Variants in PLEKHB2 observed in about 807,000 individuals in gnomAD.
The protein encoded by PLEKHB2 is pleckstrin homology domain-containing family B member 2.
Under a neutral mutation model 36.5 loss-of-function variants are expected in PLEKHB2, and 31 were observed. The observed-to-expected ratio is 0.85, with a 90% CI of 0.64 to 1.15. The LOEUF (loss-of-function observed/expected upper bound fraction) is 1.15, where lower values mean the gene tolerates loss of function less well. Ranked by LOEUF, PLEKHB2 falls within the 50% of genes most tolerant of loss-of-function variation. The probability of loss-of-function intolerance (pLI) is 0.00; values close to 1 mark genes in which losing one functional copy is unlikely to be tolerated. For synonymous variants in PLEKHB2, 119 were observed against 112.0 expected, an observed-to-expected ratio of 1.06 and a Z score of -0.39; for missense variants, 262 against 295.3, an observed-to-expected ratio of 0.89 and a Z score of 0.83.
At chr2:131,123,515 T>G (rs1221330813) in intron 2 of PLEKHB2, among the ~76,000 whole-genome samples, 1 of 152,206 alleles carries the variant, frequency 6.6e-6, no homozygotes, top group Non-Finnish European at 1.5e-5. Flanking sequence ...TTTCTGTGGC[T>G]CTATTTAGTA....
chr2:131,123,644 C>T (rs1172423859), intron 2 of PLEKHB2, among the ~76,000 whole-genome samples: 1 of 152,046 alleles, frequency 6.6e-6, no homozygotes, highest in East Asian at 1.9e-4. Flanking sequence ...CCTGCTTCAG[C>T]CTCCTGAGTA....
chr2:131,147,093 T>C lies in PLEKHB2; in HGVS notation c.*320T>C, dbSNP rs1249792174. On this transcript the variant is annotated 3_prime_UTR_variant, in exon 8 of 8. Transcript: ENST00000693505. Reference sequence around the variant, plus strand: ...AGAGTTAGGTGTAGTGCTTAAGGGTTAATTTATTTTCATGTTATGCCAGTA... The same window carrying C: ...AGAGTTAGGTGTAGTGCTTAAGGGTCAATTTATTTTCATGTTATGCCAGTA... The C allele has an allele frequency of 1.0e-5, 2 of 193,880 alleles. No homozygotes were observed. 12.0% of individuals were successfully genotyped at this position (193,880 alleles called of 1,614,324 possible).
chr2:131,109,535 C>G (rs898739265), intron 1 of PLEKHB2, among the ~76,000 whole-genome samples: 4 of 151,816 alleles, frequency 2.6e-5, no homozygotes, highest in Non-Finnish European at 4.4e-5. Context: ...ACTAAAAGTA[C>G]AAAAATCAGC....
rs770198716 is a variant in PLEKHB2, at chr2:131,140,251, G to C, written c.508G>C (p.Val170Leu). The C allele has an allele frequency of 1.2e-6, 2 of 1,604,516 alleles. No individual in the cohort carries two copies. Among genetic ancestry groups the C allele is most frequent in the Non-Finnish European group, 1.7e-6 (2 of 1,171,796 alleles). ...CGCTGCGAATGGGCAGGCGTATGCCGTGCCCTACCAGTACCCATATGCAGG... is the reference window on the plus strand; with the variant it reads ...CGCTGCGAATGGGCAGGCGTATGCCCTGCCCTACCAGTACCCATATGCAGG... Reference protein sequence around the residue: ...VYAANGQAYAVPYQYPYAGLY... With the variant: ...VYAANGQAYALPYQYPYAGLY... Residue 170 changes from valine (V) to leucine (L), a missense_variant, in exon 7 of 8, where the codon GTG becomes CTG. Val to Leu is a conservative substitution (Grantham distance 32). Coordinates refer to ENST00000693505, the MANE Select transcript of PLEKHB2 (RefSeq NM_001100623.2).
At position 131,146,578 on chromosome 2, in the gene PLEKHB2, C is replaced by A. The variant is rs531961502; in HGVS notation, c.533-59C>A. 2.6e-6 allele frequency: 4 copies of A among 1,531,920 alleles called. No homozygotes were observed. In the African/African-American group the frequency reaches 4.1e-5, roughly 16 times the overall value. The allele number at this position is 1,531,920 out of a possible 1,614,324, so 94.9% of individuals were successfully genotyped here. Reference sequence around the variant, plus strand: ...TTGTGAAAGGAGAACTGGTACTTTGCGTGATGTTAAACTTCACAAACCGCT... The same window carrying A: ...TTGTGAAAGGAGAACTGGTACTTTGAGTGATGTTAAACTTCACAAACCGCT... On this transcript the variant is annotated intron_variant, in intron 7 of 7. Coordinates refer to ENST00000693505, the MANE Select transcript of PLEKHB2 (RefSeq NM_001100623.2).
intron 7 of PLEKHB2, among the ~76,000 whole-genome samples, chr2:131,143,985 G>A (rs754872386): frequency 6.6e-6 from 1 of 152,212 alleles, no homozygotes; most frequent in Non-Finnish European, 1.5e-5. Flanking sequence ...CACATAAGGG[G>A]CTGAGTCAGT....
chr2:131,143,642 T>A (rs1698997959), intron 7 of PLEKHB2, among the ~76,000 whole-genome samples: 1 of 152,220 alleles, frequency 6.6e-6, no homozygotes, highest in Non-Finnish European at 1.5e-5. Context: ...TCTAAAAGTT[T>A]TGATAGCTTC....
intron 3 of PLEKHB2, among the ~76,000 whole-genome samples, 174 bp downstream of exon 3, chr2:131,126,079 G>A (rs1017939591): frequency 1.3e-5 from 2 of 152,154 alleles, no homozygotes; most frequent in African/African-American, 4.8e-5. Flanking sequence ...CACATGGTCG[G>A]GAAATATCAG....
chr2:131,121,006 C>T (rs745724941), intron 2 of PLEKHB2, 28 bp downstream of exon 2: 8 of 1,608,824 alleles, frequency 5.0e-6, no homozygotes, highest in East Asian at 4.5e-5. Flanking sequence ...GGTCTGCGAT[C>T]GGCATTGCCG....
intron 6 of PLEKHB2, among the ~76,000 whole-genome samples, chr2:131,139,301 T>C (rs956867261): frequency 2.0e-5 from 3 of 152,120 alleles, no homozygotes. Flanking sequence ...TTCAGTCTTC[T>C]TGTGTTTGCT....
At chr2:131,125,523 C>T (rs1247695499) in intron 2 of PLEKHB2, among the ~76,000 whole-genome samples, 4 of 152,064 alleles carry the variant, frequency 2.6e-5, no homozygotes, top group Non-Finnish European at 4.4e-5. Context: ...GCTCTTTTGG[C>T]GCAAAGCCAA....
chr2:131,120,630 C>G (rs1696407682), intron 1 of PLEKHB2: 1 of 449,316 alleles, frequency 2.2e-6, no homozygotes, highest in Non-Finnish European at 4.1e-6. Flanking sequence ...TCCCCCATGT[C>G]CTTGACAGAG....
At chr2:131,121,311 C>T (rs776573043) in intron 2 of PLEKHB2, among the ~76,000 whole-genome samples, 15 of 152,174 alleles carry the variant, frequency 9.9e-5, no homozygotes, top group Admixed American at 2.6e-4. Context: ...TGCAGTGGCG[C>T]GATCTCGGCT....
chr2:131,142,345 C>T (rs1259902444), intron 7 of PLEKHB2, among the ~76,000 whole-genome samples: 1 of 152,124 alleles, frequency 6.6e-6, no homozygotes, highest in East Asian at 1.9e-4. Flanking sequence ...CATTGTATTT[C>T]TAGTCTTGTT....
Position 131,137,324 on chromosome 2 carries a change from G to T in PLEKHB2, c.424-2843G>T, listed in dbSNP as rs551162535. ...GAGGCTGAAAGCCCAAGGTCAAGGT[G>T]TTGGGCAGCATTGGTTCTCCTGAGG... On this transcript the variant is annotated intron_variant, in intron 6 of 7. Coordinates refer to ENST00000693505, the MANE Select transcript of PLEKHB2 (RefSeq NM_001100623.2). Among the ~76,000 whole-genome samples the T allele has an allele frequency of 3.3e-5, 5 of 152,320 alleles. No individual in the cohort carries two copies. The South Asian group carries it at 1.0e-3, about 32-fold the overall frequency.
intron 1 of PLEKHB2, among the ~76,000 whole-genome samples, chr2:131,113,594 T>TTC (rs986696300): frequency 1.3e-5 from 2 of 151,952 alleles, no homozygotes; most frequent in African/African-American, 4.9e-5. Context: ...CTTGGTGAGC[T>TTC]TCTCTGGAGG....
intron 1 of PLEKHB2, among the ~76,000 whole-genome samples, chr2:131,109,012 C>G (rs535387193): frequency 6.6e-6 from 1 of 152,238 alleles, no homozygotes; most frequent in Non-Finnish European, 1.5e-5. Flanking sequence ...AGCTTATACC[C>G]AAACACTGGG....
intron 7 of PLEKHB2, among the ~76,000 whole-genome samples, chr2:131,146,313 A>G (rs950536426): frequency 1.3e-5 from 2 of 152,180 alleles, no homozygotes; most frequent in Non-Finnish European, 2.9e-5. Flanking sequence ...TGTGTCTCCC[A>G]TGTTCCCCAT....
At chr2:131,113,797 C>T (rs954937636) in intron 1 of PLEKHB2, among the ~76,000 whole-genome samples, 4 of 152,140 alleles carry the variant, frequency 2.6e-5, no homozygotes, top group Non-Finnish European at 4.4e-5. Context: ...AGTGTGGCCA[C>T]GCCCAGTCTC....
Sources: gnomAD v4.1 joint callset for allele counts (sites outside exome capture counted in the v4.1 genomes callset) on GRCh38, gnomAD v4.1.1 for gene constraint, MANE v1.5 for transcripts, NCBI Gene and HGNC (gene_info 2026-07-23, HGNC 2026-07-21) for gene names.